The following ARK2C variants were observed in gnomAD, a reference collection of about 807,000 sequenced individuals.
ARK2C encodes E3 ubiquitin-protein ligase ARK2C.
the ARK2C span, among the ~76,000 whole-genome samples, chr18:46,427,965 G>A: frequency 6.6e-6 from 1 of 152,166 alleles, no homozygotes; most frequent in Non-Finnish European, 1.5e-5. Flanking sequence ...AGGGAGATGG[G>A]AGCACAAACT....
chr18:46,418,286 G>A, the ARK2C span, among the ~76,000 whole-genome samples: 1 of 152,130 alleles, frequency 6.6e-6, no homozygotes, highest in Non-Finnish European at 1.5e-5. Flanking sequence ...GAGCCCAGGA[G>A]ACAGAAGCTG....
chr18:46,382,883 AGCCTCGGGACT>A, the ARK2C span, among the ~76,000 whole-genome samples: 4 of 152,240 alleles, frequency 2.6e-5, no homozygotes, highest in African/African-American at 9.6e-5. Flanking sequence ...GGACCGTCAG[AGCCTCGGGACT>A]GCCAAACACC....
At chr18:46,447,815 C>A in the ARK2C span, 1 of 1,139,972 alleles carries the variant, frequency 8.8e-7, no homozygotes, top group Non-Finnish European at 1.3e-6. Context: ...CTCCCCTGTG[C>A]CCCGGCTTCC....
chr18:46,444,202 T>A, the ARK2C span, among the ~76,000 whole-genome samples: 1 of 152,136 alleles, frequency 6.6e-6, no homozygotes, highest in Non-Finnish European at 1.5e-5. Flanking sequence ...TTACTATTTT[T>A]CAGGAATTAG....
At chr18:46,416,291 C>T in the ARK2C span, among the ~76,000 whole-genome samples, 2 of 152,072 alleles carry the variant, frequency 1.3e-5, no homozygotes, top group Non-Finnish European at 2.9e-5. Flanking sequence ...GCTCTTCTGG[C>T]TTTGTGAGGA....
At chr18:46,391,741 A>C in the ARK2C span, among the ~76,000 whole-genome samples, 152,072 of 152,072 alleles carry the variant, frequency 1, 76,036 homozygotes, top group Non-Finnish European at 1. Flanking sequence ...CCTTCCCAAG[A>C]TCTGTGCCAC....
the ARK2C span, among the ~76,000 whole-genome samples, chr18:46,372,498 G>A: frequency 6.6e-6 from 1 of 152,332 alleles, no homozygotes; most frequent in East Asian, 1.9e-4. Context: ...CCCATGTGGG[G>A]CCACCTTAGT....
the ARK2C span, among the ~76,000 whole-genome samples, chr18:46,350,219 T>G: frequency 6.6e-6 from 1 of 152,160 alleles, no homozygotes; most frequent in Non-Finnish European, 1.5e-5. Flanking sequence ...AAACAATATT[T>G]CAACAGGAGA....
chr18:46,336,049 G>T, the ARK2C span: 2 of 985,304 alleles, frequency 2.0e-6, no homozygotes, highest in Non-Finnish European at 2.4e-6. Context: ...AGCCATGGGG[G>T]TGAGGGGGAG....
At chr18:46,410,165 C>A in the ARK2C span, among the ~76,000 whole-genome samples, 5 of 152,180 alleles carry the variant, frequency 3.3e-5, no homozygotes, top group Non-Finnish European at 5.9e-5. Context: ...GACCTCAGGG[C>A]CCTGCTCTGG....
the ARK2C span, among the ~76,000 whole-genome samples, chr18:46,394,762 T>C: frequency 4.6e-5 from 7 of 152,384 alleles, no homozygotes; most frequent in African/African-American, 1.7e-4. Flanking sequence ...AGGACGACTG[T>C]GGATCCTGAT....
At chr18:46,375,847 G>C in the ARK2C span, among the ~76,000 whole-genome samples, 1 of 152,150 alleles carries the variant, frequency 6.6e-6, no homozygotes, top group Admixed American at 6.5e-5. Context: ...AACAACTGGA[G>C]GTTGATCAGG....
the ARK2C span, among the ~76,000 whole-genome samples, chr18:46,349,968 C>T: frequency 1.1e-4 from 16 of 152,198 alleles, no homozygotes; most frequent in South Asian, 4.1e-4. Context: ...TTCATTTACA[C>T]GTACGTATCT....
chr18:46,352,707 C>T, the ARK2C span, among the ~76,000 whole-genome samples: 151,793 of 152,288 alleles, frequency 1, 75,652 homozygotes, highest in East Asian at 1. Context: ...ACTGCACAAG[C>T]CACCCCCACT....
chr18:46,378,807 C>CTATG, the ARK2C span, among the ~76,000 whole-genome samples: 1 of 152,182 alleles, frequency 6.6e-6, no homozygotes, highest in Non-Finnish European at 1.5e-5. Context: ...AGGAGCGCTG[C>CTATG]TATGGATGGT....
chr18:46,403,220 C>A, the ARK2C span, among the ~76,000 whole-genome samples: 1 of 152,280 alleles, frequency 6.6e-6, no homozygotes, highest in East Asian at 1.9e-4. Flanking sequence ...TGGCACCTGG[C>A]AAAATGTCCA....
the ARK2C span, among the ~76,000 whole-genome samples, chr18:46,415,004 G>A: frequency 5.9e-5 from 9 of 152,104 alleles, no homozygotes; most frequent in African/African-American, 9.7e-5. Flanking sequence ...ACACTCCATC[G>A]GCTTCAGATA....
At chr18:46,441,050 A>C in the ARK2C span, among the ~76,000 whole-genome samples, 1 of 152,180 alleles carries the variant, frequency 6.6e-6, no homozygotes, top group Non-Finnish European at 1.5e-5. Flanking sequence ...GCTGGAGTGC[A>C]CCTTGGCTCA....
chr18:46,400,178 T>G, the ARK2C span, among the ~76,000 whole-genome samples: 1 of 152,168 alleles, frequency 6.6e-6, no homozygotes. Flanking sequence ...GGCTGGATAT[T>G]CCCGACCCTC....
Sources: allele counts gnomAD v4.1 joint callset (sites outside exome capture counted in the v4.1 genomes callset), GRCh38; gene constraint gnomAD v4.1.1; transcripts MANE v1.5; gene names NCBI Gene and HGNC (gene_info 2026-07-23, HGNC 2026-07-21).